The following CTDP1 variants were observed in gnomAD, a reference collection of about 807,000 sequenced individuals.
The protein encoded by CTDP1 is RNA polymerase II subunit A C-terminal domain phosphatase.
In CTDP1, 47 loss-of-function variants were observed where a neutral mutation model predicts 91.8. That is an observed-to-expected ratio of 0.51 (90% CI 0.41 to 0.65). The LOEUF is 0.65. Among genes scored for constraint, CTDP1 ranks in the 30% least tolerant of loss-of-function variants. The pLI, the probability that CTDP1 is intolerant of heterozygous loss-of-function variation, is 0.00. For missense variants in CTDP1, 1,272 were observed against 1,373.7 expected (o/e 0.93, Z 1.17); for synonymous variants, 656 against 598.5 (o/e 1.10, Z -1.40).
intron 12 of CTDP1, among the ~76,000 whole-genome samples, chr18:79,740,276 T>C (rs2086749739): frequency 6.6e-6 from 1 of 152,228 alleles, no homozygotes; most frequent in Admixed American, 6.5e-5. Flanking sequence ...GTGGCCGCGA[T>C]AGCAGCCTGA....
At chr18:79,722,825 G>A (rs543666027) in intron 10 of CTDP1, among the ~76,000 whole-genome samples, 1 of 152,334 alleles carries the variant, frequency 6.6e-6, no homozygotes, top group African/African-American at 2.4e-5. Context: ...GGACCAGCCG[G>A]CAGGAGTTCT....
Position 79,714,986 on chromosome 18 carries a change from C to T in CTDP1, c.1526C>T (p.Ala509Val), listed in dbSNP as rs1296009411. 1.9e-6 allele frequency: 3 copies of T among 1,577,402 alleles called. No individual in the cohort carries two copies. Among genetic ancestry groups the T allele is most frequent in the Admixed American group, 3.7e-5 (2 of 53,396 alleles). Residue 509 changes from alanine to valine, a missense_variant, in exon 8 of 13, where the codon GCA becomes GTA. Physicochemically the swap from Ala to Val is moderately conservative, Grantham distance 64. Coordinates refer to ENST00000613122, the MANE Select transcript of CTDP1 (RefSeq NM_004715.5). ...QGSSLEPGRP[A>V]APSLPGEAEP... ...AGTTCCCTGGAGCCGGGGCGGCCTG[C>T]AGCACCGAGTCTCCCCGGAGAGGCC...
At chr18:79,741,025 C>T (rs186858028) in intron 12 of CTDP1, among the ~76,000 whole-genome samples, 8 of 151,620 alleles carry the variant, frequency 5.3e-5, no homozygotes, top group African/African-American at 9.7e-5. Context: ...TGAGGTCCCC[C>T]GTGCGGTTGA....
chr18:79,713,105 C>G lies in CTDP1; in HGVS notation c.997C>G (p.Pro333Ala). The G allele has an allele frequency of 6.2e-7, 1 of 1,614,060 alleles. No homozygotes were observed. Among genetic ancestry groups the G allele is most frequent in the Non-Finnish European group, 8.5e-7 (1 of 1,180,012 alleles). The change falls in exon 7 of 13, where the codon CCT becomes GCT. Residue 333 changes from proline (P) to alanine (A), a missense_variant. Physicochemically the swap from Pro to Ala is conservative, Grantham distance 27. Around this residue, in one of 3 missense-constraint regions of CTDP1, gnomAD observed 881 missense variants for 911.6 expected, o/e 0.97. Transcript: ENST00000613122. The surrounding 1 kb of genome is among the most constrained non-coding windows in gnomAD (Gnocchi z 4.7). ...GGGCACGGGTGATATGAATGCGCCC[C>G]CTGGGTCCCGAGAATCTCAGACGAG... ...FQGTGDMNAP[P>A]GSRESQTRKK...
At chr18:79,698,870 C>T (rs1015297887) in intron 4 of CTDP1, among the ~76,000 whole-genome samples, 6 of 152,122 alleles carry the variant, frequency 3.9e-5, no homozygotes, top group African/African-American at 9.7e-5. Flanking sequence ...AATGCCGGGG[C>T]GTGGTACCAA....
At chr18:79,730,083 G>GT (rs1452031098) in intron 11 of CTDP1, among the ~76,000 whole-genome samples, 1 of 152,190 alleles carries the variant, frequency 6.6e-6, no homozygotes, top group Non-Finnish European at 1.5e-5. Context: ...CAGTAACTCA[G>GT]GTCATCACCT....
chr18:79,695,255 C>A lies in CTDP1; in HGVS notation c.345C>A (p.Ser115Arg). 1 of 1,614,092 alleles carries A rather than the reference C, an allele frequency of 6.2e-7. No individual in the cohort carries two copies. Among genetic ancestry groups the A allele is most frequent in the Admixed American group, 1.7e-5 (1 of 60,014 alleles). ...GAVLVRLEGC[S>R]HPVVMKGLCA... The stretch of plus-strand genomic sequence containing the variant: ...TTCTGGTGAGGTTGGAAGGATGCAG[C>A]CACCCGGTTGTCATGAAAGGCCTGT... The change falls in exon 2 of 13, where the codon AGC (serine) becomes AGA (arginine). Residue 115 changes from serine to arginine, a missense_variant. Ser to Arg is a moderately radical substitution (Grantham distance 110). Coordinates refer to ENST00000613122, the MANE Select transcript of CTDP1 (RefSeq NM_004715.5).
chr18:79,754,589 GA>G (rs34582378), downstream of CTDP1: 1 of 152,308 alleles, frequency 6.6e-6, no homozygotes, highest in Admixed American at 6.5e-5. Context: ...AAACAGAAAC[GA>G]AAAAATTCCC....
At chr18:79,695,656 T>C (rs970420099) in intron 2 of CTDP1, among the ~76,000 whole-genome samples, 1 of 152,198 alleles carries the variant, frequency 6.6e-6, no homozygotes, top group Non-Finnish European at 1.5e-5. Context: ...TTACCTCTAA[T>C]GCCAAGTGGG....
chr18:79,690,777 G>C (rs2085603846), intron 1 of CTDP1, among the ~76,000 whole-genome samples: 1 of 152,214 alleles, frequency 6.6e-6, no homozygotes, highest in South Asian at 2.1e-4. Context: ...TGATATCCAG[G>C]AGTGTCTCCA....
intron 12 of CTDP1, among the ~76,000 whole-genome samples, chr18:79,746,644 T>C (rs2086888710): frequency 6.6e-6 from 1 of 152,176 alleles, no homozygotes; most frequent in South Asian, 2.1e-4. Context: ...AGAAACAAGG[T>C]CTCACTCTGT....
At chr18:79,750,371 CAT>C (rs2086971204) in intron 12 of CTDP1, among the ~76,000 whole-genome samples, 1 of 152,152 alleles carries the variant, frequency 6.6e-6, no homozygotes, top group Non-Finnish European at 1.5e-5. Context: ...CCCTCACTCT[CAT>C]GTAGCAATTA....
intron 5 of CTDP1, among the ~76,000 whole-genome samples, chr18:79,705,492 A>G (rs2085948640): frequency 6.6e-6 from 1 of 152,054 alleles, no homozygotes; most frequent in Non-Finnish European, 1.5e-5. Flanking sequence ...TCTGTCCTTC[A>G]TGGACAAAGC....
intron 10 of CTDP1, among the ~76,000 whole-genome samples, chr18:79,727,394 C>T (rs74641711): frequency 0.016 from 2,372 of 152,112 alleles, 22 homozygotes; most frequent in Non-Finnish European, 0.025. Flanking sequence ...GCAGCGTTCA[C>T]GGTGTTCACG....
chr18:79,717,207 GGGGCCCTGGTGGGGTGCAGCCGAGTGA>G (rs2086230315), intron 8 of CTDP1, among the ~76,000 whole-genome samples: 2 of 135,056 alleles, frequency 1.5e-5, no homozygotes, highest in Non-Finnish European at 3.2e-5. Context: ...TAGCCGGGTG[GGGGCCCTGGTGGGGTGCAGCCGAGTGA>G]GGGCCCTGAG....
At chr18:79,753,355 C>T (rs191116890) in intron 12 of CTDP1, among the ~76,000 whole-genome samples, 13 of 152,386 alleles carry the variant, frequency 8.5e-5, no homozygotes, top group East Asian at 3.9e-4. Context: ...CTGATGTCTT[C>T]TGGCATCACA....
chr18:79,681,467 T>G, intron 1 of CTDP1: 1 of 985,392 alleles, frequency 1.0e-6, no homozygotes, highest in South Asian at 4.7e-5. Context: ...CCTACTGAGG[T>G]TTCATTCTGT....
At chr18:79,729,331 C>T (rs1017538556) in intron 11 of CTDP1, among the ~76,000 whole-genome samples, 7 of 152,220 alleles carry the variant, frequency 4.6e-5, no homozygotes, top group African/African-American at 1.7e-4. Context: ...TTCGTGCCTG[C>T]GTCTTCACCA....
At chr18:79,721,610 C>G (rs966671974) in intron 10 of CTDP1, among the ~76,000 whole-genome samples, 1 of 152,092 alleles carries the variant, frequency 6.6e-6, no homozygotes, top group Non-Finnish European at 1.5e-5. Flanking sequence ...AATAAAATAT[C>G]CAGGGGGGTG....
Sources: gnomAD v4.1 joint callset for allele counts (sites outside exome capture counted in the v4.1 genomes callset) on GRCh38, gnomAD v4.1.1 for gene constraint, gnomAD v4.1.1 regional missense constraint, Gnocchi (gnomAD v3.1) non-coding constraint, MANE v1.5 for transcripts, NCBI Gene and HGNC (gene_info 2026-07-23, HGNC 2026-07-21) for gene names.